The following RGL1 variants were observed in gnomAD, a reference collection of about 807,000 sequenced individuals.
RGL1 encodes ral guanine nucleotide dissociation stimulator-like 1.
A neutral mutation model predicts 95.2 loss-of-function variants in RGL1; 24 were observed. That is an observed-to-expected ratio of 0.25 (90% confidence interval 0.18 to 0.35). The LOEUF (loss-of-function observed/expected upper bound fraction) is 0.35. Among genes scored for constraint, RGL1 ranks in the 10% least tolerant of loss-of-function variants. The pLI, the probability that RGL1 is intolerant of heterozygous loss-of-function variation, is 1.00. For synonymous variants in RGL1, 329 were observed against 344.9 expected (o/e 0.95, Z 0.51); for missense variants, 715 against 936.3 (o/e 0.76, Z 3.08).
chr1:183,870,625 G>A (rs765937761), intron 4 of RGL1, among the ~76,000 whole-genome samples: 9 of 152,072 alleles, frequency 5.9e-5, no homozygotes, highest in Admixed American at 6.5e-5. Context: ...TCAAGCTTTC[G>A]GGCCCGGGGG....
At chr1:183,667,710 C>A (rs1048670723) in intron 1 of RGL1, among the ~76,000 whole-genome samples, 2 of 152,016 alleles carry the variant, frequency 1.3e-5, no homozygotes, top group Non-Finnish European at 2.9e-5. Context: ...TGCTCTTATT[C>A]TTTGTTTCTA....
chr1:183,866,058 A>C lies in RGL1; in HGVS notation c.410A>C (p.Lys137Thr), dbSNP rs765432692. Residue 137 changes from lysine (K) to threonine (T), a missense_variant, in exon 4 of 18, where the codon AAA (lysine) becomes ACA (threonine). Lys to Thr is a moderately conservative substitution (Grantham distance 78). Coordinates refer to ENST00000360851, the MANE Select transcript of RGL1 (RefSeq NM_001297671.3). ...GGAAGCCAAAGTTCATCAGAGTCCA[A>C]AATGGTGATCAGGAAGTGAGTCTCC... is the stretch of plus-strand genomic sequence containing the variant. ...EDGSQSSSESKMVIRNAIASI... is the reference protein window; with the variant it reads ...EDGSQSSSESTMVIRNAIASI... The C allele has an allele frequency of 5.6e-6, 9 of 1,613,732 alleles. No individual in the cohort carries two copies. The highest frequency in any genetic ancestry group is 7.6e-6 in the Non-Finnish European group (9 of 1,179,684).
chr1:183,660,165 C>T (rs1017171880), intron 1 of RGL1, among the ~76,000 whole-genome samples: 13 of 152,108 alleles, frequency 8.5e-5, no homozygotes, highest in Non-Finnish European at 1.3e-4. Flanking sequence ...AGCAAAATAA[C>T]CAGCTAACAT....
intron 2 of RGL1, among the ~76,000 whole-genome samples, chr1:183,755,365 C>T (rs865884500): frequency 1.3e-4 from 20 of 151,938 alleles, no homozygotes; most frequent in African/African-American, 4.1e-4. Context: ...TTTTCATTTT[C>T]AATGTAGTGA....
Position 183,892,145 on chromosome 1 carries a change from G to A in RGL1, c.1124G>A (p.Arg375Gln). 1.2e-6 allele frequency: 2 copies of A among 1,611,426 alleles called. No homozygotes were observed. Among genetic ancestry groups the A allele is most frequent in the Non-Finnish European group, 1.7e-6 (2 of 1,178,130 alleles). The change falls in exon 9 of 18, where the codon CGA becomes CAA. Residue 375 changes from arginine to glutamine, a missense_variant. Arg to Gln is a conservative substitution (Grantham distance 43). This residue lies in a region of RGL1 where 381 missense variants were observed against 484.8 expected (regional missense o/e 0.79). Coordinates refer to ENST00000360851, the MANE Select transcript of RGL1 (RefSeq NM_001297671.3). ...FSDHNNHLTS[R>Q]ELLMKEGTSK... is the part of the protein sequence containing the mutation. Reference sequence around the variant, plus strand: ...GACCATAATAACCATTTGACCAGCCGAGAACTACTGATGAAGGTGAGGCTC... The same window carrying A: ...GACCATAATAACCATTTGACCAGCCAAGAACTACTGATGAAGGTGAGGCTC...
intron 2 of RGL1, among the ~76,000 whole-genome samples, chr1:183,820,746 A>G (rs1331342526): frequency 1.3e-5 from 2 of 152,220 alleles, no homozygotes; most frequent in African/African-American, 4.8e-5. Flanking sequence ...AATGTAAAAT[A>G]TCTCAGTAAT....
chr1:183,688,916 C>T (rs889450997), intron 1 of RGL1, among the ~76,000 whole-genome samples: 2 of 151,944 alleles, frequency 1.3e-5, no homozygotes, highest in Admixed American at 6.6e-5. Flanking sequence ...GAGAGGTTTA[C>T]GAAGCCAGCA....
Position 183,690,141 on chromosome 1 carries a change from G to A in RGL1, c.-32-51985G>A, listed in dbSNP as rs200683599. 2.0e-5 allele frequency among the ~76,000 whole-genome samples: 3 copies of A among 152,336 alleles called. No homozygotes were observed. The East Asian group carries it at 5.8e-4, about 29-fold the overall frequency. Reference sequence around the variant, plus strand: ...GATGAAGTGGCAAGCCTTGGGCTAGGTGGGAGTTGAATGGGTGGCTGTGTG... The same window carrying A: ...GATGAAGTGGCAAGCCTTGGGCTAGATGGGAGTTGAATGGGTGGCTGTGTG... On this transcript the variant is annotated intron_variant, in intron 1 of 18. Transcript: ENST00000304685.
intron 7 of RGL1, 122 bp from the exon 8 acceptor site, chr1:183,888,352 A>G: frequency 1.5e-6 from 1 of 662,164 alleles, no homozygotes; most frequent in Non-Finnish European, 2.7e-6. Context: ...CACTATTTAT[A>G]CAGCTGCCTA....
At chr1:183,811,814 T>G (rs1661736442) in intron 2 of RGL1, among the ~76,000 whole-genome samples, 1 of 152,202 alleles carries the variant, frequency 6.6e-6, no homozygotes, top group Non-Finnish European at 1.5e-5. Flanking sequence ...AGCAAATACA[T>G]AATGGCATAA....
intron 2 of RGL1, among the ~76,000 whole-genome samples, chr1:183,814,759 C>G (rs757174284): frequency 4.6e-5 from 7 of 152,238 alleles, no homozygotes; most frequent in Non-Finnish European, 8.8e-5. Flanking sequence ...GTCATATCAA[C>G]TGAATCTCTC....
intron 1 of RGL1, among the ~76,000 whole-genome samples, chr1:183,716,983 A>G (rs1655660657): frequency 6.6e-6 from 1 of 152,192 alleles, no homozygotes; most frequent in Non-Finnish European, 1.5e-5. Flanking sequence ...TACTGGATAA[A>G]TTATTATTCA....
At chr1:183,802,783 C>G (rs7520817), upstream of RGL1, among the ~76,000 whole-genome samples, 24,639 of 152,062 alleles carry the variant, frequency 0.16, 2,107 homozygotes, top group Middle Eastern at 0.18. Flanking sequence ...CAAAGAGATG[C>G]AAGTCTTGCT....
At chr1:183,925,421 C>T (rs1669560003) in intron 17 of RGL1, among the ~76,000 whole-genome samples, 1 of 152,098 alleles carries the variant, frequency 6.6e-6, no homozygotes, top group South Asian at 2.1e-4. Flanking sequence ...TTGATAGGTG[C>T]AGCACATGTA....
chr1:183,812,226 GT>G (rs1661770271), intron 2 of RGL1, among the ~76,000 whole-genome samples: 2 of 152,190 alleles, frequency 1.3e-5, no homozygotes, highest in African/African-American at 4.8e-5. Flanking sequence ...AGCAAGAAAA[GT>G]TTTGGTTAAG....
intron 1 of RGL1, 39 bp downstream of exon 1, chr1:183,805,363 G>A (rs1175660019): frequency 1.3e-6 from 2 of 1,569,848 alleles, no homozygotes; most frequent in East Asian, 4.5e-5. Flanking sequence ...GGCTTCTCTG[G>A]TGGGGAATCT....
At chr1:183,740,184 T>C (rs1657201984) in intron 1 of RGL1, among the ~76,000 whole-genome samples, 2 of 152,254 alleles carry the variant, frequency 1.3e-5, no homozygotes, top group African/African-American at 4.8e-5. Flanking sequence ...CTGAAATCTC[T>C]ACATGACTCT....
At chr1:183,905,014 G>T in intron 13 of RGL1, 43 bp downstream of exon 13, 3 of 1,584,842 alleles carry the variant, frequency 1.9e-6, no homozygotes, top group Non-Finnish European at 2.6e-6. Context: ...TGAAGTGTTG[G>T]CAAGAAAAAT....
Position 183,784,602 on chromosome 1 carries a change from G to A in RGL1, c.133-21773G>A, listed in dbSNP as rs1660062280. ...ATGCCTTCTGCTTAAGGTTATGACT[G>A]ACCTTCGACGCTGGGTTTACAGGTG... On this transcript the variant is annotated intron_variant, in intron 2 of 18. Transcript: ENST00000304685. Among the ~76,000 whole-genome samples, 3 of 152,194 alleles carry A rather than the reference G, an allele frequency of 2.0e-5. No homozygotes were observed. The South Asian group carries it at 6.2e-4, about 31-fold the overall frequency.
Sources: gnomAD v4.1 joint callset for allele counts (sites outside exome capture counted in the v4.1 genomes callset) on GRCh38, gnomAD v4.1.1 for gene constraint, gnomAD v4.1.1 regional missense constraint, MANE v1.5 for transcripts, NCBI Gene and HGNC (gene_info 2026-07-23, HGNC 2026-07-21) for gene names.